Variants in CDH11 observed in about 807,000 individuals in gnomAD.
CDH11 encodes cadherin-11.
In CDH11, 11 loss-of-function variants were observed where a neutral mutation model predicts 67.8. The observed-to-expected ratio is 0.16, with a 90% CI of 0.10 to 0.27. The LOEUF is 0.27. Ranked by LOEUF, CDH11 falls within the 10% of genes least tolerant of loss-of-function variation. The probability of loss-of-function intolerance (pLI) is 1.00; values close to 1 mark genes in which losing one functional copy is unlikely to be tolerated. For missense variants in CDH11, 847 were observed against 1,031.2 expected (o/e 0.82, Z 2.45); for synonymous variants, 419 against 400.0 (o/e 1.05, Z -0.57).
intron 2 of CDH11, among the ~76,000 whole-genome samples, chr16:65,011,228 T>C (rs1263629897): frequency 6.6e-6 from 1 of 151,810 alleles, no homozygotes; most frequent in Non-Finnish European, 1.5e-5. Flanking sequence ...ATGTTGTAAT[T>C]CTAATGCAAG....
At chr16:65,045,759 G>A (rs1004811371) in intron 2 of CDH11, among the ~76,000 whole-genome samples, 4 of 152,102 alleles carry the variant, frequency 2.6e-5, no homozygotes, top group African/African-American at 9.7e-5. Context: ...GAATGGCCAA[G>A]AAGTAATTCC....
chr16:65,022,780 G>T (rs1225546157), intron 2 of CDH11, among the ~76,000 whole-genome samples: 7 of 152,144 alleles, frequency 4.6e-5, no homozygotes, highest in Non-Finnish European at 8.8e-5. Context: ...AAAAAACAGA[G>T]TACCCAAGTA....
At chr16:65,002,408 C>A (rs914527873) in intron 3 of CDH11, among the ~76,000 whole-genome samples, 2 of 152,172 alleles carry the variant, frequency 1.3e-5, no homozygotes, top group African/African-American at 4.8e-5. Context: ...ATGCACAGCC[C>A]TTCACAACAT....
intron 2 of CDH11, among the ~76,000 whole-genome samples, chr16:65,014,376 C>T (rs1214243302): frequency 6.6e-6 from 1 of 152,152 alleles, no homozygotes; most frequent in Non-Finnish European, 1.5e-5. Context: ...CAGCATGCCC[C>T]AAAATCGTAT....
chr16:65,024,693 C>T (rs187986059), intron 2 of CDH11, among the ~76,000 whole-genome samples: 84 of 152,262 alleles, frequency 5.5e-4, no homozygotes, highest in Middle Eastern at 3.4e-3. Context: ...CAATGAATGA[C>T]GGTGTGCAAA....
chr16:65,032,607 C>T (rs768747255), intron 2 of CDH11, among the ~76,000 whole-genome samples: 31 of 152,186 alleles, frequency 2.0e-4, no homozygotes, highest in Admixed American at 5.2e-4. Flanking sequence ...ATGTGCCAAG[C>T]GTTCTCTAAG....
intron 11 of CDH11, among the ~76,000 whole-genome samples, chr16:64,971,191 A>C (rs937415971): frequency 6.6e-6 from 1 of 152,256 alleles, no homozygotes; most frequent in Non-Finnish European, 1.5e-5. Flanking sequence ...CTGAAAGATT[A>C]AATTGCCTTA....
upstream of CDH11, chr16:65,122,120 G>GC: frequency 1.9e-5 from 8 of 428,630 alleles, no homozygotes; most frequent in Admixed American, 4.0e-5. Flanking sequence ...TGGCGGGCGG[G>GC]CAGGCGGGTG....
intron 4 of CDH11, among the ~76,000 whole-genome samples, chr16:64,996,888 G>A (rs1315248015): frequency 6.6e-6 from 1 of 152,136 alleles, no homozygotes; most frequent in Non-Finnish European, 1.5e-5. Flanking sequence ...TACTAGAGTG[G>A]AGCCAGAGGA....
chr16:64,950,507 T>C (rs2071328155), intron 12 of CDH11, among the ~76,000 whole-genome samples: 1 of 152,042 alleles, frequency 6.6e-6, no homozygotes, highest in African/African-American at 2.4e-5. Flanking sequence ...CCCGGCAAAA[T>C]GCTCATCATG....
At chr16:64,965,854 T>A (rs2071810827) in intron 11 of CDH11, among the ~76,000 whole-genome samples, 1 of 151,114 alleles carries the variant, frequency 6.6e-6, no homozygotes, top group Non-Finnish European at 1.5e-5. Flanking sequence ...ACAGCAATGA[T>A]ATAAGGAACA....
At chr16:65,087,915 G>A (rs1047005141) in intron 1 of CDH11, among the ~76,000 whole-genome samples, 8 of 152,028 alleles carry the variant, frequency 5.3e-5, no homozygotes, top group African/African-American at 1.4e-4. Context: ...GAAGAATATC[G>A]TGGAAATGTA....
chr16:65,074,944 C>T (rs1191840881), intron 1 of CDH11, among the ~76,000 whole-genome samples: 1 of 152,156 alleles, frequency 6.6e-6, no homozygotes, highest in Non-Finnish European at 1.5e-5. Flanking sequence ...AATTACCAAA[C>T]ACACAGGCAC....
intron 3 of CDH11, among the ~76,000 whole-genome samples, chr16:64,999,571 T>A (rs759686871): frequency 6.6e-6 from 1 of 152,180 alleles, no homozygotes; most frequent in Non-Finnish European, 1.5e-5. Context: ...TCTCACTCTG[T>A]TGCCCAGGCT....
intron 2 of CDH11, among the ~76,000 whole-genome samples, chr16:65,026,981 T>C (rs533555252): frequency 3.9e-4 from 60 of 152,322 alleles, no homozygotes; most frequent in African/African-American, 9.9e-4. Context: ...TAAGATCTTA[T>C]AAGCTAATCA....
intron 2 of CDH11, among the ~76,000 whole-genome samples, chr16:65,013,325 C>T (rs977566473): frequency 1.3e-5 from 2 of 152,062 alleles, no homozygotes; most frequent in Admixed American, 1.3e-4. Flanking sequence ...GGAATCCACT[C>T]GGAATTTCTA....
intron 1 of CDH11, among the ~76,000 whole-genome samples, chr16:65,100,594 C>A (rs567753220): frequency 2.0e-5 from 3 of 151,786 alleles, no homozygotes; most frequent in African/African-American, 7.3e-5. Context: ...AAAAATTAGC[C>A]GGGCGTCGTG....
rs1011915976 is a variant in CDH11, at chr16:64,947,363, G to T, written c.*240C>A. 1.7e-6 allele frequency: 2 copies of T among 1,148,628 alleles called. No individual in the cohort carries two copies. The highest frequency in any genetic ancestry group is 2.2e-6 in the Non-Finnish European group (2 of 907,718). The allele number at this position is 1,148,628 out of a possible 1,614,324, so 71.2% of individuals were successfully genotyped here. A position where few individuals can be genotyped will look rare whatever the true frequency, so the allele number is the denominator to read the frequency against. On this transcript the variant is annotated 3_prime_UTR_variant, in exon 13 of 13. Coordinates refer to ENST00000268603, the MANE Select transcript of CDH11 (RefSeq NM_001797.4). Reference sequence around the variant, plus strand: ...CACTTAAATATTTTGTATGCCAAGTGTTTTTTTTTTCTAGCGAAGTTGATA... The same window carrying T: ...CACTTAAATATTTTGTATGCCAAGTTTTTTTTTTTTCTAGCGAAGTTGATA...
intron 2 of CDH11, among the ~76,000 whole-genome samples, chr16:65,014,980 T>A (rs2073268273): frequency 1.3e-5 from 2 of 151,094 alleles, no homozygotes; most frequent in Admixed American, 1.3e-4. Context: ...CTCAGCCTCC[T>A]GAGATTACAG....
Sources: gnomAD v4.1 joint callset for allele counts (sites outside exome capture counted in the v4.1 genomes callset) on GRCh38, gnomAD v4.1.1 for gene constraint, MANE v1.5 for transcripts, NCBI Gene and HGNC (gene_info 2026-07-23, HGNC 2026-07-21) for gene names.